IQCH: variants seen among roughly 807,000 people sequenced by gnomAD.
IQCH encodes the protein IQ domain-containing protein H.
In IQCH, 98 loss-of-function variants were observed where a neutral mutation model predicts 117.0. The observed-to-expected ratio is 0.84, with a 90% CI of 0.71 to 0.99. The LOEUF (loss-of-function observed/expected upper bound fraction) is 0.99. Ranked by LOEUF, IQCH falls within the 50% of genes least tolerant of loss-of-function variation. The pLI, the probability that IQCH is intolerant of heterozygous loss-of-function variation, is 0.00. For synonymous variants in IQCH, 412 were observed against 448.2 expected (o/e 0.92, Z 1.02); for missense variants, 1,102 against 1,243.8 (o/e 0.89, Z 1.72).
At position 67,474,269 on chromosome 15, in the gene IQCH, C is replaced by T. The variant is rs1337145501; in HGVS notation, c.2677-1427C>T. On this transcript the variant is annotated intron_variant, in intron 17 of 20. Transcript: ENST00000335894. This position sits in a 1 kb window ranked among gnomAD's most constrained non-coding sequence, Gnocchi z 4.1. ...TTCCTTACGGCCAGCTCCAGACCAG[C>T]AGCACCTCCTTTGCCTACTCCTTTT... is the stretch of plus-strand genomic sequence containing the variant. Among the ~76,000 whole-genome samples the T allele has an allele frequency of 6.6e-6, 1 of 152,118 alleles. No homozygotes were observed. Among genetic ancestry groups the T allele is most frequent in the Non-Finnish European group, 1.5e-5 (1 of 68,028 alleles).
At chr15:67,484,365 C>T (rs1290841502) in intron 18 of IQCH, among the ~76,000 whole-genome samples, 1 of 151,546 alleles carries the variant, frequency 6.6e-6, no homozygotes, top group African/African-American at 2.4e-5. Flanking sequence ...GTGATCATGC[C>T]ACTGCATCCC....
chr15:67,279,389 A>T lies in IQCH; in HGVS notation c.270-6A>T. 7.0e-7 allele frequency: 1 copy of T among 1,438,004 alleles called. No homozygotes were observed. Among genetic ancestry groups the T allele is most frequent in the Non-Finnish European group, 9.7e-7 (1 of 1,029,782 alleles). The allele number at this position is 1,438,004 out of a possible 1,614,324, so 89.1% of individuals were successfully genotyped here. On this transcript the variant is annotated splice_region_variant and splice_polypyrimidine_tract_variant and intron_variant, in intron 3 of 20. Coordinates refer to ENST00000335894, the MANE Select transcript of IQCH (RefSeq NM_001031715.3). ...TTGATTTTAAATTCCATTTCTTCTT[A>T]CTTAGGTTACTTCCAACTGTAATTG...
At chr15:67,334,612 A>C (rs977520935) in intron 4 of IQCH, among the ~76,000 whole-genome samples, 3 of 152,140 alleles carry the variant, frequency 2.0e-5, no homozygotes, top group African/African-American at 4.8e-5. Context: ...CTTTCTAGAA[A>C]TACTGAGGCC....
chr15:67,464,622 G>A (rs2082884603), intron 16 of IQCH, among the ~76,000 whole-genome samples: 1 of 152,162 alleles, frequency 6.6e-6, no homozygotes, highest in African/African-American at 2.4e-5. Context: ...AAGACTTAGA[G>A]GCCAACCATT....
rs2082657141 is a variant in IQCH, at chr15:67,456,373, G to A, written c.2506-8754G>A. On this transcript the variant is annotated intron_variant, in intron 16 of 20. Coordinates refer to ENST00000335894, the MANE Select transcript of IQCH (RefSeq NM_001031715.3). This position sits in a 1 kb window ranked among gnomAD's most constrained non-coding sequence, Gnocchi z 5.1. ...GAACTAGCCTGGAAGTCAGGAACTTGGGCTTTGATTCTAGTTCCTCCCCTA... is the reference window on the plus strand; with the variant it reads ...GAACTAGCCTGGAAGTCAGGAACTTAGGCTTTGATTCTAGTTCCTCCCCTA... Among the ~76,000 whole-genome samples, 1 of 152,144 alleles carries A rather than the reference G, an allele frequency of 6.6e-6. No homozygotes were observed. Among genetic ancestry groups the A allele is most frequent in the Admixed American group, 6.5e-5 (1 of 15,274 alleles).
rs1291272983 is a variant in IQCH at position 67,473,127 on chromosome 15, A to G, written c.2677-2569A>G. On this transcript the variant is annotated intron_variant, in intron 17 of 20. Coordinates refer to ENST00000335894, the MANE Select transcript of IQCH (RefSeq NM_001031715.3). The surrounding 1 kb of genome is among the most constrained non-coding windows in gnomAD (Gnocchi z 4.9). Reference sequence around the variant, plus strand: ...GCAGCATCAGACAAGTTTAGAAGACAAAAATAACCTTGGAATTATCTTGTG... The same window carrying G: ...GCAGCATCAGACAAGTTTAGAAGACGAAAATAACCTTGGAATTATCTTGTG... 1.3e-5 allele frequency among the ~76,000 whole-genome samples: 2 copies of G among 152,236 alleles called. No individual in the cohort carries two copies. The highest frequency in any genetic ancestry group is 2.9e-5 in the Non-Finnish European group (2 of 68,040).
intron 6 of IQCH, among the ~76,000 whole-genome samples, chr15:67,345,925 C>T (rs779124413): frequency 6.6e-6 from 1 of 152,022 alleles, no homozygotes; most frequent in Non-Finnish European, 1.5e-5. Flanking sequence ...TATACAGGAC[C>T]GTTCTAGATC....
At position 67,403,764 on chromosome 15, in the gene IQCH, A is replaced by G. The variant is rs1028533852; in HGVS notation, c.2097+3459A>G. On this transcript the variant is annotated intron_variant, in intron 14 of 20. Coordinates refer to ENST00000335894, the MANE Select transcript of IQCH (RefSeq NM_001031715.3). This position sits in a 1 kb window ranked among gnomAD's most constrained non-coding sequence, Gnocchi z 4.8. ...GACCCAGGCAGACATTTACTGTGGT[A>G]CCAGTCCTTGTGGCTTTTTTCCATT... 6.6e-6 allele frequency: 1 copy of G among 152,240 alleles called. No homozygotes were observed. Among genetic ancestry groups the G allele is most frequent in the Non-Finnish European group, 1.5e-5 (1 of 68,070 alleles). The allele number at this position is 152,240 out of a possible 1,614,324, so 9.4% of individuals were successfully genotyped here.
intron 1 of IQCH, among the ~76,000 whole-genome samples, chr15:67,257,089 A>G (rs916601987): frequency 6.6e-6 from 1 of 152,192 alleles, no homozygotes; most frequent in Non-Finnish European, 1.5e-5. Flanking sequence ...AAAGCACTTG[A>G]TAGGGAGTCA....
intron 4 of IQCH, among the ~76,000 whole-genome samples, chr15:67,321,476 TTC>T (rs1228514228): frequency 2.2e-5 from 2 of 90,632 alleles, no homozygotes; most frequent in East Asian, 7.6e-4. Context: ...CTTCCTTCCT[TTC>T]TTTCTTTCTT....
chr15:67,475,502 T>C lies in IQCH; in HGVS notation c.2677-194T>C, dbSNP rs1268188122. ...CAAAAAATAAAATAAAAATAAAAAG[T>C]AATGTAGCAATTTGTTCCCTTAGTT... On this transcript the variant is annotated intron_variant, in intron 17 of 20. Coordinates refer to ENST00000335894, the MANE Select transcript of IQCH (RefSeq NM_001031715.3). The surrounding 1 kb of genome is among the most constrained non-coding windows in gnomAD (Gnocchi z 5.7). Among the ~76,000 whole-genome samples, 1 of 152,076 alleles carries C rather than the reference T, an allele frequency of 6.6e-6. No individual in the cohort carries two copies. Among genetic ancestry groups the C allele is most frequent in the Non-Finnish European group, 1.5e-5 (1 of 68,012 alleles).
rs1047282738 is a variant in IQCH at position 67,401,578 on chromosome 15, C to T, written c.2097+1273C>T. Among the ~76,000 whole-genome samples, 5 of 152,124 alleles carry T rather than the reference C, an allele frequency of 3.3e-5. No homozygotes were observed. The highest frequency in any genetic ancestry group is 9.7e-5 in the African/African-American group (4 of 41,412). On this transcript the variant is annotated intron_variant, in intron 14 of 20. Transcript: ENST00000335894. This position sits in a 1 kb window ranked among gnomAD's most constrained non-coding sequence, Gnocchi z 4.7. ...GAGGGAGGGGCACACTTGAGGGAAC[C>T]ACATTATTCTTGGAAAGTGGAGTGA...
intron 4 of IQCH, among the ~76,000 whole-genome samples, chr15:67,310,323 G>C (rs1415357528): frequency 6.6e-6 from 1 of 152,082 alleles, no homozygotes; most frequent in Non-Finnish European, 1.5e-5. Flanking sequence ...GTGTGTGTGT[G>C]TACATTTGAA....
chr15:67,294,002 A>G (rs1272608302), intron 4 of IQCH, among the ~76,000 whole-genome samples: 1 of 152,206 alleles, frequency 6.6e-6, no homozygotes, highest in Non-Finnish European at 1.5e-5. Context: ...AAGGTCCCCT[A>G]TAGATACAGT....
Position 67,273,551 on chromosome 15 carries a change from C to G in IQCH, c.270-5844C>G, listed in dbSNP as rs1398723106. 3.9e-5 allele frequency among the ~76,000 whole-genome samples: 6 copies of G among 152,124 alleles called. No homozygotes were observed. The South Asian group carries it at 6.2e-4, about 16-fold the overall frequency. ...ACAAAGAAAAAACTTTAAAAAAACTCTACACTTTAAGTCCATTCCCCATAC... is the reference window on the plus strand; with the variant it reads ...ACAAAGAAAAAACTTTAAAAAAACTGTACACTTTAAGTCCATTCCCCATAC... On this transcript the variant is annotated intron_variant, in intron 3 of 20. Transcript: ENST00000335894.
chr15:67,263,310 T>C (rs934993062), intron 3 of IQCH, 94 bp downstream of exon 3: 1 of 660,004 alleles, frequency 1.5e-6, no homozygotes, highest in Non-Finnish European at 2.7e-6. Context: ...TAGGCAACAT[T>C]TTCTTGGCTT....
In IQCH at chr15:67,474,105, G is replaced by GTGTGTGTGTGTGT. The variant is rs1268928468; in HGVS notation, c.2677-1591_2677-1590insTGTGTGTGTGTGT. On this transcript the variant is annotated intron_variant, in intron 17 of 20. Transcript: ENST00000335894. This position sits in a 1 kb window ranked among gnomAD's most constrained non-coding sequence, Gnocchi z 4.1. ...GTGTGTGTGTGTGTGTGTGTGTGTG[G>GTGTGTGTGTGTGT]AGAGGGAGAGAGGGATGCAGGAGAG... Among the ~76,000 whole-genome samples the GTGTGTGTGTGTGT allele has an allele frequency of 1.8e-5, 2 of 113,264 alleles. No homozygotes were observed. The highest frequency in any genetic ancestry group is 6.6e-5 in the African/African-American group (2 of 30,244). 74.3% of individuals were successfully genotyped at this position (113,264 alleles called of 152,430 possible). A position where few individuals can be genotyped will look rare whatever the true frequency, so the allele number is the denominator to read the frequency against.
At position 67,426,488 on chromosome 15, in the gene IQCH, T is replaced by C. The variant is rs181394497; in HGVS notation, c.2505+4911T>C. The stretch of plus-strand genomic sequence containing the variant: ...GGGGTACAATTACAATGTATCCACA[T>C]TGTATGCATGTATCAAAATAGCACA... On this transcript the variant is annotated intron_variant, in intron 16 of 20. Transcript: ENST00000335894. This position sits in a 1 kb window ranked among gnomAD's most constrained non-coding sequence, Gnocchi z 5.1. Among the ~76,000 whole-genome samples, 5 of 152,186 alleles carry C rather than the reference T, an allele frequency of 3.3e-5. No homozygotes were observed. Among genetic ancestry groups the C allele is most frequent in the Admixed American group, 3.3e-4 (5 of 15,266 alleles).
At chr15:67,320,186 C>T (rs1326239116) in intron 4 of IQCH, among the ~76,000 whole-genome samples, 1 of 152,242 alleles carries the variant, frequency 6.6e-6, no homozygotes, top group Non-Finnish European at 1.5e-5. Flanking sequence ...AGTTCTGCAG[C>T]TGCCTGCCAA....
Sources: allele counts gnomAD v4.1 joint callset (sites outside exome capture counted in the v4.1 genomes callset), GRCh38; gene constraint gnomAD v4.1.1; non-coding constraint Gnocchi (gnomAD v3.1); transcripts MANE v1.5; gene names NCBI Gene and HGNC (gene_info 2026-07-23, HGNC 2026-07-21).